The following CLSTN2 variants were observed in gnomAD, a reference collection of about 807,000 sequenced individuals.
CLSTN2 encodes calsyntenin 2.
In CLSTN2, 48 loss-of-function variants were observed where a neutral mutation model predicts 101.2. The ratio of observed to expected loss-of-function variants is 0.47; its 90% CI spans 0.38 to 0.60. CLSTN2 has a LOEUF of 0.60. CLSTN2 is among the 20% of genes least tolerant of loss of function. CLSTN2 has a pLI of 0.00. For missense variants in CLSTN2, 1,160 were observed against 1,238.2 expected (o/e 0.94, Z 0.95); for synonymous variants, 481 against 463.6 (o/e 1.04, Z -0.48).
intron 1 of CLSTN2, among the ~76,000 whole-genome samples, chr3:140,046,019 A>G (rs140142776): frequency 0.013 from 1,934 of 152,236 alleles, 48 homozygotes; most frequent in African/African-American, 0.042. Context: ...GAGTTCTGTA[A>G]ATGTCTATTA....
chr3:140,477,305 C>CTTAGAAGGAAGCAAGGT (rs1934009268), intron 8 of CLSTN2, among the ~76,000 whole-genome samples: 1 of 152,192 alleles, frequency 6.6e-6, no homozygotes, highest in Non-Finnish European at 1.5e-5. Context: ...TCAGTGCACA[C>CTTAGAAGGAAGCAAGGT]TTAGAAGGAA....
chr3:140,271,820 C>T (rs561551773), intron 2 of CLSTN2, among the ~76,000 whole-genome samples: 9 of 152,330 alleles, frequency 5.9e-5, no homozygotes, highest in East Asian at 3.9e-4. Flanking sequence ...AAGGAAAGCT[C>T]GTGAAAGTCA....
At chr3:140,101,543 G>A (rs1353574588) in intron 1 of CLSTN2, among the ~76,000 whole-genome samples, 1 of 152,150 alleles carries the variant, frequency 6.6e-6, no homozygotes, top group East Asian at 1.9e-4. Context: ...CTCCCAGCTA[G>A]TTTCCCTGTG....
rs139767728 is a variant in CLSTN2, at chr3:140,106,298, T to A, written c.110-69653T>A. On this transcript the variant is annotated intron_variant, in intron 1 of 16. Coordinates refer to ENST00000458420, the MANE Select transcript of CLSTN2 (RefSeq NM_022131.3). ...TCCCTGACAGCTGATCCTAGGAACC[T>A]CCCAGAGCCTTCCAGAATTCTCCCA... Among the ~76,000 whole-genome samples, 5 of 152,274 alleles carry A rather than the reference T, an allele frequency of 3.3e-5. No individual in the cohort carries two copies. In the East Asian group the frequency reaches 9.7e-4, roughly 29 times the overall value.
intron 8 of CLSTN2, among the ~76,000 whole-genome samples, chr3:140,494,731 A>G (rs1348254303): frequency 1.3e-5 from 2 of 152,038 alleles, no homozygotes; most frequent in African/African-American, 4.8e-5. Flanking sequence ...TCCAGTTCCT[A>G]TGTGAGTTTG....
chr3:140,155,081 G>T lies in CLSTN2; in HGVS notation c.110-20870G>T, dbSNP rs144006281. ...GACACAGAGCCAAACCATATCCACA[G>T]CCTTGAGAGGGTCTAAACGGAAATT... On this transcript the variant is annotated intron_variant, in intron 1 of 16. Transcript: ENST00000458420. Among the ~76,000 whole-genome samples the T allele has an allele frequency of 6.5e-3, 995 of 152,230 alleles. 9 individuals carry two copies. The highest frequency in any genetic ancestry group is 0.023 in the African/African-American group (938 of 41,530).
intron 1 of CLSTN2, among the ~76,000 whole-genome samples, chr3:140,077,978 G>A (rs1260280065): frequency 2.6e-5 from 4 of 152,172 alleles, no homozygotes; most frequent in African/African-American, 9.7e-5. Context: ...AAATGTTGCT[G>A]GGATTGGTAG....
At chr3:140,481,507 G>T (rs1934115371) in intron 8 of CLSTN2, among the ~76,000 whole-genome samples, 2 of 152,078 alleles carry the variant, frequency 1.3e-5, no homozygotes, top group African/African-American at 2.4e-5. Context: ...AGCTTGATGG[G>T]GATGGCATTG....
chr3:140,188,924 C>T (rs1372783847), intron 2 of CLSTN2, among the ~76,000 whole-genome samples: 1 of 152,200 alleles, frequency 6.6e-6, no homozygotes, highest in Non-Finnish European at 1.5e-5. Context: ...GCCATACCTA[C>T]TCCCTCCCAC....
intron 2 of CLSTN2, among the ~76,000 whole-genome samples, chr3:140,345,309 C>T (rs1322634638): frequency 1.4e-5 from 2 of 146,920 alleles, no homozygotes; most frequent in Non-Finnish European, 3.0e-5. Flanking sequence ...AGTGCAATGG[C>T]GTGATCTCGG....
At chr3:140,413,044 T>C (rs1190377460) in intron 4 of CLSTN2, among the ~76,000 whole-genome samples, 1 of 151,344 alleles carries the variant, frequency 6.6e-6, no homozygotes, top group East Asian at 1.9e-4. Flanking sequence ...ATAACAAAGA[T>C]TAGAACAGAA....
At chr3:140,350,062 A>G (rs904098981) in intron 2 of CLSTN2, among the ~76,000 whole-genome samples, 5 of 152,228 alleles carry the variant, frequency 3.3e-5, no homozygotes, top group African/African-American at 1.2e-4. Flanking sequence ...CTGAGGGTTA[A>G]TGAACCTCTT....
intron 2 of CLSTN2, among the ~76,000 whole-genome samples, chr3:140,181,354 AT>A (rs2010404806): frequency 6.6e-6 from 1 of 152,012 alleles, no homozygotes; most frequent in Non-Finnish European, 1.5e-5. Context: ...AGTAATTGAA[AT>A]TTGTATTATT....
chr3:140,482,082 G>A (rs1934129946), intron 8 of CLSTN2, among the ~76,000 whole-genome samples: 1 of 152,072 alleles, frequency 6.6e-6, no homozygotes. Flanking sequence ...ATTGGCTGTG[G>A]GTTTGTCATA....
intron 1 of CLSTN2, among the ~76,000 whole-genome samples, chr3:140,078,001 G>GC (rs1204336309): frequency 5.3e-5 from 8 of 152,178 alleles, no homozygotes; most frequent in Non-Finnish European, 8.8e-5. Flanking sequence ...AATTTCCCCT[G>GC]CAAAGGGTCA....
intron 2 of CLSTN2, among the ~76,000 whole-genome samples, chr3:140,292,417 G>A (rs762894297): frequency 1.3e-5 from 2 of 152,048 alleles, no homozygotes; most frequent in African/African-American, 2.4e-5. Context: ...CTAAAATAGA[G>A]CCCCCAATGT....
Position 140,558,788 on chromosome 3 carries a change from C to T in CLSTN2, c.1972C>T (p.Leu658Phe). Residue 658 changes from leucine to phenylalanine, a missense_variant, in exon 12 of 17, where the codon CTC (leucine) becomes TTC (phenylalanine). Leu to Phe is a conservative substitution (Grantham distance 22). Transcript: ENST00000458420. ...AQFESARGVT[L>F]FPDIKIVSTF... ...GTTTGAAAGTGCCAGGGGAGTGACC[C>T]TCTTCCCTGATATCAAGATTGTGAG... 1 of 1,614,064 alleles carries T rather than the reference C, an allele frequency of 6.2e-7. No individual in the cohort carries two copies. The highest frequency in any genetic ancestry group is 8.5e-7 in the Non-Finnish European group (1 of 1,180,012).
intron 1 of CLSTN2, among the ~76,000 whole-genome samples, chr3:140,042,190 T>C (rs1180624338): frequency 1.3e-5 from 2 of 152,200 alleles, no homozygotes; most frequent in Non-Finnish European, 2.9e-5. Context: ...AGTATTCAGT[T>C]TGAAACCAGT....
intron 1 of CLSTN2, among the ~76,000 whole-genome samples, chr3:140,013,972 C>T (rs1043685075): frequency 5.9e-5 from 9 of 152,178 alleles, no homozygotes; most frequent in Non-Finnish European, 1.3e-4. Flanking sequence ...GTAAGTCATC[C>T]CTTGTTCCCT....
Sources: allele counts gnomAD v4.1 joint callset (sites outside exome capture counted in the v4.1 genomes callset), GRCh38; gene constraint gnomAD v4.1.1; transcripts MANE v1.5; gene names NCBI Gene and HGNC (gene_info 2026-07-23, HGNC 2026-07-21).